The following GPC5 variants were observed in gnomAD, a reference collection of about 807,000 sequenced individuals.
GPC5 encodes glypican-5.
GPC5 carries 47 observed loss-of-function variants against 53.9 expected under a neutral mutation model. That is an observed-to-expected ratio of 0.87 (90% CI 0.69 to 1.11). GPC5 has a LOEUF of 1.11. Ranked by LOEUF, GPC5 falls within the 50% of genes most tolerant of loss-of-function variation. The pLI is 0.00. For missense variants in GPC5, 748 were observed against 713.1 expected, an observed-to-expected ratio of 1.05 and a Z score of -0.56; for synonymous variants, 286 against 263.3, an observed-to-expected ratio of 1.09 and a Z score of -0.84.
chr13:92,718,228 A>C (rs1302559682), intron 7 of GPC5, among the ~76,000 whole-genome samples: 1 of 152,314 alleles, frequency 6.6e-6, no homozygotes, highest in African/African-American at 2.4e-5. Context: ...GGAAATCAGC[A>C]TATCAAATGT....
intron 7 of GPC5, among the ~76,000 whole-genome samples, chr13:92,797,850 TAGATAGATAGATA>T: frequency 6.7e-6 from 1 of 150,318 alleles, no homozygotes; most frequent in African/African-American, 2.5e-5. Context: ...GATAGATAGA[TAGATAGATAGATA>T]GATAGATGAT....
intron 7 of GPC5, among the ~76,000 whole-genome samples, chr13:92,527,120 G>A (rs926905316): frequency 1.3e-5 from 1 of 76,716 alleles, no homozygotes. Context: ...AAGAAAGAAA[G>A]AAAGAAAGAA....
At chr13:92,015,423 A>C (rs2040697970) in intron 6 of GPC5, among the ~76,000 whole-genome samples, 1 of 152,270 alleles carries the variant, frequency 6.6e-6, no homozygotes, top group East Asian at 1.9e-4. Flanking sequence ...GGTCAAATGA[A>C]ACATGCTACT....
At chr13:92,415,516 G>C (rs1039703079) in intron 7 of GPC5, among the ~76,000 whole-genome samples, 1 of 152,114 alleles carries the variant, frequency 6.6e-6, no homozygotes, top group African/African-American at 2.4e-5. Flanking sequence ...TCTTGACTGA[G>C]AATCAACACT....
At chr13:92,127,294 T>C (rs1292961069) in intron 6 of GPC5, among the ~76,000 whole-genome samples, 1 of 151,790 alleles carries the variant, frequency 6.6e-6, no homozygotes, top group Non-Finnish European at 1.5e-5. Flanking sequence ...TATATGTGTG[T>C]ATATATGTAT....
At chr13:91,922,336 C>T (rs1594665625) in intron 6 of GPC5, among the ~76,000 whole-genome samples, 1 of 152,214 alleles carries the variant, frequency 6.6e-6, no homozygotes, top group South Asian at 2.1e-4. Context: ...AACTTTGCAT[C>T]ATGATTTCTA....
At chr13:91,637,867 C>T (rs894573331) in intron 2 of GPC5, among the ~76,000 whole-genome samples, 1 of 152,200 alleles carries the variant, frequency 6.6e-6, no homozygotes, top group African/African-American at 2.4e-5. Context: ...GATGAAGACT[C>T]TACTCATTCT....
chr13:91,627,836 G>T (rs975001093), intron 2 of GPC5, among the ~76,000 whole-genome samples: 3 of 152,062 alleles, frequency 2.0e-5, no homozygotes, highest in African/African-American at 7.2e-5. Flanking sequence ...AACATATTAT[G>T]TTCCTCCTAA....
At chr13:92,184,363 C>A (rs1469975141) in intron 7 of GPC5, among the ~76,000 whole-genome samples, 22 of 152,136 alleles carry the variant, frequency 1.4e-4, no homozygotes, top group Admixed American at 1.4e-3. Context: ...AAATTTATTT[C>A]TATTACTAGA....
intron 2 of GPC5, among the ~76,000 whole-genome samples, chr13:91,581,861 C>A (rs1015458774): frequency 6.6e-6 from 1 of 152,008 alleles, no homozygotes; most frequent in African/African-American, 2.4e-5. Context: ...ATAAATTAGA[C>A]CAACTTCTTA....
chr13:91,924,305 A>T (rs1239982752), intron 6 of GPC5, among the ~76,000 whole-genome samples: 2 of 152,338 alleles, frequency 1.3e-5, no homozygotes, highest in African/African-American at 4.8e-5. Flanking sequence ...ATCATCCAAA[A>T]GCACAAAAGT....
intron 2 of GPC5, among the ~76,000 whole-genome samples, chr13:91,581,242 T>C (rs1003034344): frequency 6.6e-6 from 1 of 152,234 alleles, no homozygotes; most frequent in African/African-American, 2.4e-5. Flanking sequence ...ATGTAGTATA[T>C]ACTATATTCT....
chr13:92,287,159 CAT>C (rs945287261), intron 7 of GPC5, among the ~76,000 whole-genome samples: 5 of 152,288 alleles, frequency 3.3e-5, no homozygotes, highest in African/African-American at 9.6e-5. Context: ...TCTTAATTTT[CAT>C]ATGTTTTTGA....
At chr13:91,635,131 G>C (rs2034255053) in intron 2 of GPC5, among the ~76,000 whole-genome samples, 1 of 152,086 alleles carries the variant, frequency 6.6e-6, no homozygotes, top group African/African-American at 2.4e-5. Context: ...ATTAAGTGGA[G>C]AACCCAGACT....
At chr13:92,859,179 T>G (rs558046205) in intron 7 of GPC5, among the ~76,000 whole-genome samples, 2 of 152,016 alleles carry the variant, frequency 1.3e-5, no homozygotes, top group Admixed American at 6.6e-5. Flanking sequence ...AGCCCAGGAG[T>G]TCTAGACTGC....
intron 7 of GPC5, among the ~76,000 whole-genome samples, chr13:92,693,245 G>A (rs1261747964): frequency 1.3e-5 from 2 of 152,140 alleles, no homozygotes; most frequent in Non-Finnish European, 2.9e-5. Context: ...ATGGGTACCA[G>A]GAGTGTGGCA....
At chr13:92,220,801 G>T (rs749583194) in intron 7 of GPC5, among the ~76,000 whole-genome samples, 1 of 151,950 alleles carries the variant, frequency 6.6e-6, no homozygotes, top group African/African-American at 2.4e-5. Context: ...TTCTTTTCAT[G>T]TCTGGTAATA....
chr13:91,846,215 A>T (rs1290204636), intron 5 of GPC5, among the ~76,000 whole-genome samples: 2 of 152,092 alleles, frequency 1.3e-5, no homozygotes, highest in Non-Finnish European at 2.9e-5. Context: ...GCTAAATCAG[A>T]CAAACACACC....
chr13:91,723,877 C>G (rs915959578), intron 3 of GPC5, among the ~76,000 whole-genome samples: 1 of 152,104 alleles, frequency 6.6e-6, no homozygotes, highest in Non-Finnish European at 1.5e-5. Context: ...GGGACATTAC[C>G]TCTGCCCCCA....
Sources: gnomAD v4.1 joint callset for allele counts (sites outside exome capture counted in the v4.1 genomes callset) on GRCh38, gnomAD v4.1.1 for gene constraint, MANE v1.5 for transcripts, NCBI Gene and HGNC (gene_info 2026-07-23, HGNC 2026-07-21) for gene names.